The following DHDDS variants were observed in gnomAD, a reference collection of about 807,000 sequenced individuals.
The protein encoded by DHDDS is dehydrodolichyl diphosphate synthase complex subunit DHDDS.
A neutral mutation model predicts 46.2 loss-of-function variants in DHDDS; 16 were observed. The observed-to-expected ratio is 0.35, with a 90% CI of 0.23 to 0.53. The LOEUF (loss-of-function observed/expected upper bound fraction) is 0.53. DHDDS is among the 20% of genes least tolerant of loss of function. The pLI, the probability that DHDDS is intolerant of heterozygous loss-of-function variation, is 0.94. For missense variants in DHDDS, 340 were observed against 423.7 expected, an observed-to-expected ratio of 0.80 and a Z score of 1.73; for synonymous variants, 151 against 163.1, an observed-to-expected ratio of 0.93 and a Z score of 0.56.
intron 6 of DHDDS, chr1:26,454,999 GTA>G: frequency 6.8e-7 from 1 of 1,466,042 alleles, no homozygotes; most frequent in Non-Finnish European, 9.5e-7. Flanking sequence ...CTCCACCATT[GTA>G]ACGTCGGAAT....
intron 6 of DHDDS, among the ~76,000 whole-genome samples, chr1:26,448,906 C>T (rs1290668403): frequency 6.6e-6 from 1 of 151,858 alleles, no homozygotes; most frequent in Non-Finnish European, 1.5e-5. Context: ...CTTCCCGATT[C>T]GATTGACCTA....
intron 1 of DHDDS, 162 bp from the exon 2 acceptor site, chr1:26,432,729 A>G: frequency 5.1e-6 from 3 of 590,246 alleles, no homozygotes; most frequent in Non-Finnish European, 9.1e-6. Flanking sequence ...CAGAGGTCAC[A>G]TTGCGTTATA....
chr1:26,464,712 C>CT (rs2075464127), intron 8 of DHDDS, among the ~76,000 whole-genome samples: 1 of 152,188 alleles, frequency 6.6e-6, no homozygotes, highest in Admixed American at 6.5e-5. Context: ...TCCCAGTTAC[C>CT]TGTTCCATGC....
intron 8 of DHDDS, among the ~76,000 whole-genome samples, chr1:26,461,713 A>G (rs1421828699): frequency 1.3e-5 from 2 of 152,256 alleles, no homozygotes; most frequent in Non-Finnish European, 2.9e-5. Flanking sequence ...GGGGGTTCAC[A>G]TAACTGCTGA....
intron 8 of DHDDS, 73 bp from the exon 9 acceptor site, chr1:26,468,822 T>TA: frequency 2.4e-6 from 1 of 417,568 alleles, no homozygotes; most frequent in Non-Finnish European, 3.6e-6. Flanking sequence ...CCCCACCCCC[T>TA]ACCTCCTCCA....
chr1:26,461,688 CAT>C (rs1450975532), intron 8 of DHDDS, among the ~76,000 whole-genome samples: 2 of 152,178 alleles, frequency 1.3e-5, no homozygotes, highest in African/African-American at 4.8e-5. Context: ...CCCGGCCACA[CAT>C]AGAATACTTT....
chr1:26,462,947 A>G (rs1397783479), intron 8 of DHDDS: 1 of 152,222 alleles, frequency 6.6e-6, no homozygotes, highest in African/African-American at 2.4e-5. Context: ...ATACAGAGTG[A>G]TGTGCTAGAA....
intron 5 of DHDDS, 107 bp from the exon 6 acceptor site, chr1:26,447,452 G>C: frequency 3.5e-6 from 3 of 859,124 alleles, no homozygotes; most frequent in Non-Finnish European, 5.9e-6. Flanking sequence ...CATTTGATGT[G>C]TATTTGTTTT....
chr1:26,461,295 A>C (rs2075419295), intron 8 of DHDDS, among the ~76,000 whole-genome samples: 1 of 152,190 alleles, frequency 6.6e-6, no homozygotes, highest in Non-Finnish European at 1.5e-5. Flanking sequence ...AATGAAAGCC[A>C]CAGACCATCT....
chr1:26,462,598 T>C (rs1446156885), intron 8 of DHDDS, among the ~76,000 whole-genome samples: 2 of 152,196 alleles, frequency 1.3e-5, no homozygotes, highest in Non-Finnish European at 2.9e-5. Flanking sequence ...GAATTATGTA[T>C]ATAAAATGAG....
chr1:26,439,579 TA>T (rs111887914), intron 3 of DHDDS, among the ~76,000 whole-genome samples: 46 of 144,938 alleles, frequency 3.2e-4, no homozygotes, highest in South Asian at 4.4e-4. Context: ...AGACCTTGTC[TA>T]AAAAAAAAAA....
intron 6 of DHDDS, among the ~76,000 whole-genome samples, chr1:26,457,540 G>T (rs1447549888): frequency 8.5e-6 from 1 of 117,848 alleles, no homozygotes; most frequent in Non-Finnish European, 1.8e-5. Flanking sequence ...ATAAAAAAGA[G>T]AAAAGAATTT....
chr1:26,443,367 AC>A (rs908686467), intron 4 of DHDDS, among the ~76,000 whole-genome samples: 24 of 152,144 alleles, frequency 1.6e-4, no homozygotes, highest in African/African-American at 5.3e-4. Flanking sequence ...TGCACAGTGA[AC>A]CCTAAAAAGT....
rs2075514522 is a variant in DHDDS at position 26,468,354 on chromosome 1, AG to A, written c.766-540del. Among the ~76,000 whole-genome samples the A allele has an allele frequency of 2.0e-5, 3 of 152,284 alleles. No individual in the cohort carries two copies. The South Asian group carries it at 6.2e-4, about 32-fold the overall frequency. On this transcript the variant is annotated intron_variant, in intron 8 of 8. Transcript: ENST00000236342. The stretch of plus-strand genomic sequence containing the variant: ...AGGAAAACCTGGGGAGATCAAAGGA[AG>A]TGACCCAAGGGACATGTCCCCGACA...
At chr1:26,433,482 C>T (rs928462478) in intron 2 of DHDDS, among the ~76,000 whole-genome samples, 8 of 151,852 alleles carry the variant, frequency 5.3e-5, no homozygotes, top group African/African-American at 1.9e-4. Context: ...AACCCCGATT[C>T]TCCAAAAAAT....
At chr1:26,453,895 A>G (rs149999920) in intron 6 of DHDDS, among the ~76,000 whole-genome samples, 208 of 152,258 alleles carry the variant, frequency 1.4e-3, no homozygotes, top group African/African-American at 4.7e-3. Context: ...TTGTTGGCCA[A>G]AGTCTACAGA....
Position 26,432,885 on chromosome 1 carries a change from T to G in DHDDS, c.-55-6T>G. 1.3e-6 allele frequency: 2 copies of G among 1,579,340 alleles called. No homozygotes were observed. The highest frequency in any genetic ancestry group is 1.7e-6 in the Non-Finnish European group (2 of 1,148,466). The stretch of plus-strand genomic sequence containing the variant: ...GACTTCTTATTTTCTTTCTTGTTTA[T>G]CCAAGATTACCTGGCTGGTGTTTGC... On this transcript the variant is annotated splice_region_variant and splice_polypyrimidine_tract_variant and intron_variant, in intron 1 of 8. Coordinates refer to ENST00000236342, the MANE Select transcript of DHDDS (RefSeq NM_205861.3).
At position 26,460,102 on chromosome 1, in the gene DHDDS, C is replaced by A; in HGVS notation, c.723C>A (p.Phe241Leu). 1 of 1,614,128 alleles carries A rather than the reference C, an allele frequency of 6.2e-7. No individual in the cohort carries two copies. The highest frequency in any genetic ancestry group is 1.3e-5 in the African/African-American group (1 of 75,012). Residue 241 changes from phenylalanine to leucine, a missense_variant, in exon 8 of 9, where the codon TTC (phenylalanine) becomes TTA (leucine). Phe to Leu is a conservative substitution (Grantham distance 22, BLOSUM62 0). Coordinates refer to ENST00000236342, the MANE Select transcript of DHDDS (RefSeq NM_205861.3). Reference sequence around the variant, plus strand: ...CAGAGTATACATTTTGGAACCTCTTCGAGGCCATCCTGCAGTTCCAGATGA... The same window carrying A: ...CAGAGTATACATTTTGGAACCTCTTAGAGGCCATCCTGCAGTTCCAGATGA... ...LWPEYTFWNL[F>L]EAILQFQMNH...
chr1:26,444,995 T>C (rs2075254444), intron 4 of DHDDS, among the ~76,000 whole-genome samples: 1 of 152,162 alleles, frequency 6.6e-6, no homozygotes, highest in South Asian at 2.1e-4. Flanking sequence ...TATGCAGAGT[T>C]TGGGAGTTAT....
Sources: allele counts gnomAD v4.1 joint callset (sites outside exome capture counted in the v4.1 genomes callset), GRCh38; gene constraint gnomAD v4.1.1; transcripts MANE v1.5; gene names NCBI Gene and HGNC (gene_info 2026-07-23, HGNC 2026-07-21).